The following TRPM5 variants were observed in gnomAD, a reference collection of about 807,000 sequenced individuals.
The protein encoded by TRPM5 is MLSN1 and TRP-related.
A neutral mutation model predicts 124.9 loss-of-function variants in TRPM5; 121 were observed. The ratio of observed to expected loss-of-function variants is 0.97; its 90% CI spans 0.84 to 1.13. The LOEUF (loss-of-function observed/expected upper bound fraction) is 1.13. TRPM5 is among the 50% of genes most tolerant of loss of function. TRPM5 has a pLI of 0.00. For synonymous variants in TRPM5, 781 were observed against 700.5 expected, an observed-to-expected ratio of 1.11 and a Z score of -1.81; for missense variants, 1,643 against 1,589.1, an observed-to-expected ratio of 1.03 and a Z score of -0.58.
chr11:2,406,178 T>A (rs896637609), intron 21 of TRPM5, 87 bp from the exon 27 acceptor site: 16 of 1,473,282 alleles, frequency 1.1e-5, no homozygotes, highest in East Asian at 6.8e-5. Context: ...GGCCTCCCTG[T>A]GTGCCCGAGT....
At chr11:2,427,382 T>C (rs956103912), upstream of TRPM5, among the ~76,000 whole-genome samples, 25 of 152,224 alleles carry the variant, frequency 1.6e-4, no homozygotes, top group Non-Finnish European at 2.9e-4. Context: ...GGTGGAGCCG[T>C]CTGCCTACCT....
chr11:2,439,356 A>G, the TRPM5 span, among the ~76,000 whole-genome samples: 1 of 152,262 alleles, frequency 6.6e-6, no homozygotes, highest in Non-Finnish European at 1.5e-5. Context: ...GAGCTTCTGC[A>G]CAGCAAAAGA....
chr11:2,426,598 C>A (rs566830245), upstream of TRPM5, among the ~76,000 whole-genome samples: 2 of 152,214 alleles, frequency 1.3e-5, no homozygotes, highest in East Asian at 3.9e-4. Flanking sequence ...GTAGCCGCAG[C>A]CAAGAGCCAA....
the TRPM5 span, among the ~76,000 whole-genome samples, chr11:2,434,583 C>T: frequency 7.1e-5 from 9 of 127,608 alleles, no homozygotes; most frequent in South Asian, 7.7e-4. Flanking sequence ...TCTGTGTGGA[C>T]GCTGTATGTG....
At chr11:2,418,578 G>A (rs1016261539) in exon 5 of TRPM5, 8 of 1,611,398 alleles carry the variant, frequency 5.0e-6, no homozygotes, top group East Asian at 2.2e-5. Context: ...CAGGGATCTC[G>A]ATGCTGCCAG....
chr11:2,406,090 C>T (rs1252340219), exon 22 of TRPM5: 2 of 1,611,652 alleles, frequency 1.2e-6, no homozygotes. Context: ...ATGAAGTCCA[C>T]TCTGCGGCAG....
At chr11:2,417,935 C>G (rs187874848) in intron 6 of TRPM5, 106 bp from the exon 12 acceptor site, 21 of 1,175,922 alleles carry the variant, frequency 1.8e-5, no homozygotes, top group Admixed American at 6.5e-5. Flanking sequence ...CCCAGGTGAG[C>G]CTTGCAGCCT....
At chr11:2,424,087 G>A (rs946241559), upstream of TRPM5, among the ~76,000 whole-genome samples, 4 of 152,210 alleles carry the variant, frequency 2.6e-5, no homozygotes, top group Non-Finnish European at 4.4e-5. Flanking sequence ...TACCCTGTCC[G>A]ACCTGGGGCT....
At chr11:2,407,813 G>A (rs1850353794) in exon 19 of TRPM5, 2 of 1,613,920 alleles carry the variant, frequency 1.2e-6, no homozygotes, top group Non-Finnish European at 1.7e-6. Context: ...CAACAGGAAG[G>A]TGACCAGCAG....
At chr11:2,415,603 G>A (rs879389573) in intron 8 of TRPM5, 132 bp from the exon 14 acceptor site, 4 of 685,900 alleles carry the variant, frequency 5.8e-6, no homozygotes, top group African/African-American at 1.8e-5. Context: ...AGACCCTCTC[G>A]CTCTCCTGCA....
intron 7 of TRPM5, among the ~76,000 whole-genome samples, chr11:2,416,287 G>C (rs1005652292): frequency 6.6e-6 from 1 of 152,218 alleles, no homozygotes; most frequent in Admixed American, 6.5e-5. Context: ...GCTGCAACGG[G>C]GGTACCCCAG....
At chr11:2,432,893 C>T in the TRPM5 span, among the ~76,000 whole-genome samples, 6 of 152,230 alleles carry the variant, frequency 3.9e-5, no homozygotes, top group African/African-American at 7.2e-5. Context: ...CCTCGGGGGG[C>T]AGCCCGAAGC....
At position 2,415,274 on chromosome 11, in the gene TRPM5, CG is replaced by C; in HGVS notation, c.1325del (p.Thr442SerfsTer69). 6.4e-7 allele frequency: 1 copy of C among 1,572,940 alleles called. No individual in the cohort carries two copies. ...CCTGCTGGGTGCCCAGGCCGGCCAG[CG>C]TCAGCCGGGCCTCCTCCTGCTTCCG... On this transcript the variant is annotated frameshift_variant, in exon 9 of 24. Transcript: ENST00000155858. LOFTEE classifies it high-confidence loss of function.
At chr11:2,409,856 C>T (rs1298129758) in intron 18 of TRPM5, among the ~76,000 whole-genome samples, 2 of 152,220 alleles carry the variant, frequency 1.3e-5, no homozygotes, top group Non-Finnish European at 2.9e-5. Flanking sequence ...CTCCCTGAGG[C>T]AGCACTCGGA....
chr11:2,422,251 G>C, exon 2 of TRPM5: 1 of 1,612,500 alleles, frequency 6.2e-7, no homozygotes, highest in Non-Finnish European at 8.5e-7. Flanking sequence ...GTTGGGGGCC[G>C]GCAGGTGCCA....
At chr11:2,408,714 G>A (rs1297967464) in intron 18 of TRPM5, among the ~76,000 whole-genome samples, 3 of 152,232 alleles carry the variant, frequency 2.0e-5, no homozygotes, top group Admixed American at 6.5e-5. Context: ...GCAGGAGGAG[G>A]GAGGAGGGAG....
upstream of TRPM5, among the ~76,000 whole-genome samples, chr11:2,426,813 G>T (rs10832026): frequency 0.29 from 44,632 of 151,908 alleles, 6,661 homozygotes; most frequent in Admixed American, 0.35. Flanking sequence ...GCAGCAGGCT[G>T]GAAGTCAGCT....
intron 4 of TRPM5, among the ~76,000 whole-genome samples, chr11:2,418,801 A>G (rs755200347): frequency 5.9e-5 from 9 of 152,328 alleles, no homozygotes; most frequent in Non-Finnish European, 1.2e-4. Flanking sequence ...ACTACCCAGC[A>G]CGCGCACTTT....
the TRPM5 span, among the ~76,000 whole-genome samples, chr11:2,442,414 C>G: frequency 1.4e-5 from 2 of 143,950 alleles, no homozygotes; most frequent in Non-Finnish European, 3.0e-5. This position sits in a 1 kb window ranked among gnomAD's most constrained non-coding sequence, Gnocchi z 5.9. Context: ...CACACACACA[C>G]ACACACAGAG....
Sources: allele counts gnomAD v4.1 joint callset (sites outside exome capture counted in the v4.1 genomes callset), GRCh38; gene constraint gnomAD v4.1.1; non-coding constraint Gnocchi (gnomAD v3.1); transcripts MANE v1.5; gene names NCBI Gene and HGNC (gene_info 2026-07-23, HGNC 2026-07-21).